PEX14: variants seen among roughly 807,000 people sequenced by gnomAD.
PEX14 encodes peroxisomal biogenesis factor 14, also known as peroxisomal membrane protein PEX14.
A neutral mutation model predicts 49.5 loss-of-function variants in PEX14; 15 were observed. The ratio of observed to expected loss-of-function variants is 0.30; its 90% CI spans 0.20 to 0.47. The LOEUF is 0.47. PEX14 is among the 20% of genes least tolerant of loss of function. PEX14 has a pLI of 1.00. For synonymous variants in PEX14, 210 were observed against 212.7 expected (o/e 0.99, Z 0.11); for missense variants, 398 against 494.8 (o/e 0.80, Z 1.86).
chr1:10,542,261 A>G (rs906553395), intron 3 of PEX14, among the ~76,000 whole-genome samples: 1 of 152,150 alleles, frequency 6.6e-6, no homozygotes, highest in Non-Finnish European at 1.5e-5. Flanking sequence ...TTCCAGAGAT[A>G]ATCTATCCAC....
At chr1:10,501,367 C>T (rs1033078130) in intron 2 of PEX14, among the ~76,000 whole-genome samples, 5 of 152,258 alleles carry the variant, frequency 3.3e-5, no homozygotes, top group Non-Finnish European at 5.9e-5. Context: ...TGCAGTGGCA[C>T]GATCTCGGCT....
At position 10,547,808 on chromosome 1, in the gene PEX14, A is replaced by T. The variant is rs558321880; in HGVS notation, c.169+11511A>T. 2.0e-5 allele frequency among the ~76,000 whole-genome samples: 3 copies of T among 152,230 alleles called. No homozygotes were observed. The South Asian group carries it at 6.2e-4, about 32-fold the overall frequency. On this transcript the variant is annotated intron_variant, in intron 3 of 8. Coordinates refer to ENST00000356607, the MANE Select transcript of PEX14 (RefSeq NM_004565.3). ...TTTTATGCTTTTTTAGTCTATTATT[A>T]TTTTTTTAGAAGACTTGGGCCTTTG...
intron 5 of PEX14, among the ~76,000 whole-genome samples, chr1:10,619,980 C>T (rs192563): frequency 0.21 from 32,603 of 151,858 alleles, 4,533 homozygotes; most frequent in African/African-American, 0.39. Flanking sequence ...CCCAGCATGG[C>T]GGCGGGCACC....
intron 3 of PEX14, among the ~76,000 whole-genome samples, chr1:10,592,129 C>T (rs1374440091): frequency 1.3e-5 from 2 of 152,162 alleles, no homozygotes; most frequent in Admixed American, 6.5e-5. Context: ...AAGTGTTTAT[C>T]AATTTGACTT....
At chr1:10,561,918 A>C (rs1392198933) in intron 3 of PEX14, among the ~76,000 whole-genome samples, 1 of 151,810 alleles carries the variant, frequency 6.6e-6, no homozygotes, top group African/African-American at 2.4e-5. Context: ...GAGTGCTATA[A>C]TCTATTATTG....
intron 3 of PEX14, among the ~76,000 whole-genome samples, chr1:10,578,162 C>A (rs574870718): frequency 6.6e-6 from 1 of 152,156 alleles, no homozygotes; most frequent in Admixed American, 6.5e-5. Flanking sequence ...ATATAAACAC[C>A]CCTCACATGC....
intron 3 of PEX14, among the ~76,000 whole-genome samples, chr1:10,563,838 G>T (rs1206039260): frequency 6.6e-6 from 1 of 152,168 alleles, no homozygotes; most frequent in Admixed American, 6.5e-5. Flanking sequence ...CGTGAACCCA[G>T]GAGGCGGGGC....
chr1:10,550,011 G>T (rs1457959573), intron 3 of PEX14, among the ~76,000 whole-genome samples: 1 of 152,152 alleles, frequency 6.6e-6, no homozygotes, highest in Non-Finnish European at 1.5e-5. Context: ...TACAAGGCAT[G>T]GTGCTGGCCC....
chr1:10,630,024 C>A lies in PEX14; in HGVS notation c.*37C>A. The A allele has an allele frequency of 1.2e-6, 2 of 1,602,786 alleles. No individual in the cohort carries two copies. The highest frequency in any genetic ancestry group is 1.7e-6 in the Non-Finnish European group (2 of 1,179,088). ...CTGCCTCCAGCCCTGAGGATGGCAT[C>A]TAGTGTGCCCGTGCGTGGCCATACC... On this transcript the variant is annotated 3_prime_UTR_variant, in exon 9 of 9. Transcript: ENST00000356607. This position sits in a 1 kb window ranked among gnomAD's most constrained non-coding sequence, Gnocchi z 4.1.
rs548029689 is a variant in PEX14 at position 10,556,334 on chromosome 1, G to A, written c.169+20037G>A. 3.3e-5 allele frequency among the ~76,000 whole-genome samples: 5 copies of A among 152,282 alleles called. No individual in the cohort carries two copies. In the South Asian group the frequency reaches 1.0e-3, roughly 32 times the overall value. On this transcript the variant is annotated intron_variant, in intron 3 of 8. Coordinates refer to ENST00000356607, the MANE Select transcript of PEX14 (RefSeq NM_004565.3). ...CTGTGATCAGAATTCCACAGGGTGG[G>A]GCTGATGAGGATCCATGCACATCCG... is the stretch of plus-strand genomic sequence containing the variant.
intron 2 of PEX14, among the ~76,000 whole-genome samples, chr1:10,504,735 T>C (rs1311859214): frequency 6.6e-6 from 1 of 152,000 alleles, no homozygotes; most frequent in East Asian, 1.9e-4. Flanking sequence ...TCCTTTCCTT[T>C]CCTTTCTTTA....
At chr1:10,581,322 T>C (rs1262477676) in intron 3 of PEX14, among the ~76,000 whole-genome samples, 3 of 150,640 alleles carry the variant, frequency 2.0e-5, no homozygotes, top group African/African-American at 7.3e-5. Context: ...TTTTTTTTTT[T>C]TTGAGACAGA....
intron 4 of PEX14, among the ~76,000 whole-genome samples, chr1:10,610,393 A>ACT (rs1641246663): frequency 7.8e-6 from 1 of 127,642 alleles, no homozygotes. Context: ...ACACACACAC[A>ACT]CACACATATA....
At chr1:10,533,565 C>A (rs535813633) in intron 2 of PEX14, among the ~76,000 whole-genome samples, 2 of 152,040 alleles carry the variant, frequency 1.3e-5, no homozygotes, top group Admixed American at 1.3e-4. Context: ...TTTGCTATAT[C>A]CCCCACGTTC....
chr1:10,552,161 G>A (rs1449997301), intron 3 of PEX14, among the ~76,000 whole-genome samples: 7 of 151,992 alleles, frequency 4.6e-5, no homozygotes, highest in East Asian at 3.9e-4. Flanking sequence ...AACTATCTCC[G>A]GGCTGGGTGT....
chr1:10,592,159 C>G (rs1640687130), intron 3 of PEX14, among the ~76,000 whole-genome samples: 1 of 152,116 alleles, frequency 6.6e-6, no homozygotes, highest in Non-Finnish European at 1.5e-5. Context: ...TGCACAAACA[C>G]ACGTTTGGCT....
At chr1:10,536,145 G>C (rs1638795693) in intron 2 of PEX14, 68 bp from the exon 3 acceptor site, 5 of 1,001,602 alleles carry the variant, frequency 5.0e-6, no homozygotes, top group Non-Finnish European at 8.1e-6. Flanking sequence ...AAAACTCCTA[G>C]GATTTTTAAT....
chr1:10,606,689 G>T (rs1164723284), intron 4 of PEX14, among the ~76,000 whole-genome samples: 1 of 152,134 alleles, frequency 6.6e-6, no homozygotes, highest in Non-Finnish European at 1.5e-5. Flanking sequence ...ATATTACAGG[G>T]TATGTTTTTT....
Position 10,624,447 on chromosome 1 carries a change from T to C in PEX14, c.585+10T>C, listed in dbSNP as rs1352607213. The C allele has an allele frequency of 1.3e-6, 2 of 1,577,292 alleles. No individual in the cohort carries two copies. Among genetic ancestry groups the C allele is most frequent in the African/African-American group, 2.7e-5 (2 of 74,142 alleles). On this transcript the variant is annotated intron_variant, in intron 7 of 8. Transcript: ENST00000356607. ...GCTGGCCGCTGCCAAGGTACCTGTCTCTGCTGCACAGGGCCCTCCAGGCCC... is the reference window on the plus strand; with the variant it reads ...GCTGGCCGCTGCCAAGGTACCTGTCCCTGCTGCACAGGGCCCTCCAGGCCC...
Sources: gnomAD v4.1 joint callset for allele counts (sites outside exome capture counted in the v4.1 genomes callset) on GRCh38, gnomAD v4.1.1 for gene constraint, Gnocchi (gnomAD v3.1) non-coding constraint, MANE v1.5 for transcripts, NCBI Gene and HGNC (gene_info 2026-07-23, HGNC 2026-07-21) for gene names.